Variants in MYO1E observed in about 807,000 individuals in gnomAD.
MYO1E encodes unconventional myosin-Ie.
In MYO1E, 68 loss-of-function variants were observed where a neutral mutation model predicts 151.1. The ratio of observed to expected loss-of-function variants is 0.45; its 90% CI spans 0.37 to 0.55. MYO1E has a LOEUF of 0.55. Among genes scored for constraint, MYO1E ranks in the 20% least tolerant of loss-of-function variants. The pLI, the probability that MYO1E is intolerant of heterozygous loss-of-function variation, is 0.00. For missense variants in MYO1E, 1,363 were observed against 1,389.3 expected (o/e 0.98, Z 0.30); for synonymous variants, 601 against 501.7 (o/e 1.20, Z -2.64).
intron 16 of MYO1E, among the ~76,000 whole-genome samples, chr15:59,199,378 C>G (rs568818067): frequency 6.6e-6 from 1 of 152,074 alleles, no homozygotes; most frequent in Admixed American, 6.5e-5. Context: ...CCACTGTGCC[C>G]GGCCTGCATT....
intron 4 of MYO1E, among the ~76,000 whole-genome samples, chr15:59,239,362 A>T (rs557623805): frequency 1.3e-5 from 2 of 151,634 alleles, no homozygotes; most frequent in East Asian, 1.9e-4. Context: ...CCTACATATC[A>T]CCATAAGTAT....
chr15:59,173,078 C>G (rs567975825), intron 21 of MYO1E, among the ~76,000 whole-genome samples: 1 of 152,220 alleles, frequency 6.6e-6, no homozygotes, highest in Non-Finnish European at 1.5e-5. Flanking sequence ...CAAAAGGTAT[C>G]TAAAGGAGGA....
intron 4 of MYO1E, among the ~76,000 whole-genome samples, chr15:59,253,917 T>TTTA (rs57506446): frequency 2.0e-4 from 30 of 150,210 alleles, no homozygotes; most frequent in African/African-American, 5.9e-4. Flanking sequence ...TTTTTTTTTT[T>TTTA]AACAAAGCCA....
chr15:59,205,872 A>G (rs2079830183), intron 14 of MYO1E, among the ~76,000 whole-genome samples: 1 of 152,226 alleles, frequency 6.6e-6, no homozygotes, highest in East Asian at 1.9e-4. Context: ...AGCCAGAGCA[A>G]AAGTGAAGCC....
rs753955994 is a variant in MYO1E, at chr15:59,272,324, G to T, written c.129C>A (p.Tyr43Ter). The T allele has an allele frequency of 6.2e-7, 1 of 1,614,126 alleles. No homozygotes were observed. The highest frequency in any genetic ancestry group is 8.5e-7 in the Non-Finnish European group (1 of 1,179,972). ...NSIVENLKKRYMDDYIFTYIG... is the reference protein window; with the variant it reads ...NSIVENLKKR The stretch of plus-strand genomic sequence containing the variant: ...AGGATACAAAAATGTAGTCATCCAT[G>T]TATCTCTTCTTCAGATTCTCCACGA... Residue 43 changes from tyrosine to a stop codon, truncating the protein, a stop_gained, in exon 2 of 28, where the codon TAC becomes TAA. Coordinates refer to ENST00000288235, the MANE Select transcript of MYO1E (RefSeq NM_004998.4). LOFTEE classifies it high-confidence loss of function.
chr15:59,252,111 ACT>A (rs1368961777), intron 4 of MYO1E, among the ~76,000 whole-genome samples: 1 of 152,140 alleles, frequency 6.6e-6, no homozygotes. Context: ...AGAAATAAAA[ACT>A]CTGAAATCTT....
At chr15:59,255,120 G>C (rs759681847) in intron 4 of MYO1E, among the ~76,000 whole-genome samples, 2 of 151,600 alleles carry the variant, frequency 1.3e-5, no homozygotes, top group Non-Finnish European at 2.9e-5. Context: ...GTTTGGTTTG[G>C]TTTGGTTTTT....
At chr15:59,258,541 A>G (rs2080207172) in intron 3 of MYO1E, among the ~76,000 whole-genome samples, 1 of 152,236 alleles carries the variant, frequency 6.6e-6, no homozygotes, top group Non-Finnish European at 1.5e-5. Flanking sequence ...TGGTTAGGCT[A>G]CAGTTCACTG....
intron 1 of MYO1E, among the ~76,000 whole-genome samples, chr15:59,344,708 C>A (rs916819883): frequency 2.0e-5 from 3 of 152,200 alleles, no homozygotes; most frequent in Non-Finnish European, 4.4e-5. Context: ...GGCACCAAAA[C>A]CACCAAAGTC....
At position 59,192,299 on chromosome 15, in the gene MYO1E, TA is replaced by T. The variant is rs1302217808; in HGVS notation, c.1805+3161del. Among the ~76,000 whole-genome samples the T allele has an allele frequency of 4.8e-3, 666 of 139,654 alleles. 2 individuals are homozygous for T. The highest frequency in any genetic ancestry group is 0.011 in the Middle Eastern group (3 of 282). 91.6% of individuals were successfully genotyped at this position (139,654 alleles called of 152,430 possible). ...TGCTGCAATTCAAAGGGGAATCATT[TA>T]AAAAAAAAAAAAAGAAAAGAGAAAA... On this transcript the variant is annotated intron_variant, in intron 17 of 27. Transcript: ENST00000288235.
chr15:59,284,314 G>C (rs1037690192), intron 1 of MYO1E, among the ~76,000 whole-genome samples: 1 of 152,184 alleles, frequency 6.6e-6, no homozygotes, highest in Non-Finnish European at 1.5e-5. Context: ...AGTTTCCAAG[G>C]CGTTCCTATT....
intron 22 of MYO1E, among the ~76,000 whole-genome samples, 200 bp downstream of exon 22, chr15:59,171,697 T>G (rs1417797341): frequency 6.6e-6 from 1 of 152,208 alleles, no homozygotes; most frequent in African/African-American, 2.4e-5. Flanking sequence ...CAACCTTTTC[T>G]TGGTACCTTC....
intron 1 of MYO1E, among the ~76,000 whole-genome samples, chr15:59,344,789 C>T (rs756677119): frequency 8.5e-5 from 13 of 152,296 alleles, no homozygotes; most frequent in South Asian, 8.3e-4. Context: ...CACAGGCCCA[C>T]GGGGAGTGCT....
intron 12 of MYO1E, chr15:59,212,821 T>G (rs769890678): frequency 3.9e-5 from 6 of 152,172 alleles, no homozygotes; most frequent in African/African-American, 1.4e-4. Flanking sequence ...GACGGAGATT[T>G]GGATATAGAC....
intron 8 of MYO1E, 68 bp from the exon 9 acceptor site, chr15:59,223,259 C>A (rs530759123): frequency 2.8e-5 from 45 of 1,593,794 alleles, no homozygotes; most frequent in Admixed American, 5.0e-5. Context: ...TAGGAAGAAG[C>A]CAAGGCACAG....
At chr15:59,233,586 C>A (rs192155872) in intron 5 of MYO1E, among the ~76,000 whole-genome samples, 2 of 145,746 alleles carry the variant, frequency 1.4e-5, no homozygotes, top group African/African-American at 5.0e-5. Context: ...ATCGCTTGAA[C>A]CCAGAAGACA....
At chr15:59,208,951 G>T (rs749497905) in intron 13 of MYO1E, 103 bp from the exon 14 acceptor site, 7 of 1,373,500 alleles carry the variant, frequency 5.1e-6, no homozygotes, top group Non-Finnish European at 7.1e-6. Flanking sequence ...CCAGACTTAA[G>T]ATACCATCTT....
intron 14 of MYO1E, chr15:59,207,581 T>C: frequency 6.2e-7 from 1 of 1,614,182 alleles, no homozygotes; most frequent in Non-Finnish European, 8.5e-7. Flanking sequence ...GGCTGTAATC[T>C]GGATACTGCT....
intron 2 of MYO1E, among the ~76,000 whole-genome samples, chr15:59,262,551 C>T (rs1596389909): frequency 1.3e-5 from 2 of 152,062 alleles, no homozygotes; most frequent in Non-Finnish European, 2.9e-5. Flanking sequence ...TTGCTTGAGG[C>T]CAGGAGTCGG....
Sources: allele counts gnomAD v4.1 joint callset (sites outside exome capture counted in the v4.1 genomes callset), GRCh38; gene constraint gnomAD v4.1.1; transcripts MANE v1.5; gene names NCBI Gene and HGNC (gene_info 2026-07-23, HGNC 2026-07-21).